CTDP1: variants seen among roughly 807,000 people sequenced by gnomAD.
CTDP1 encodes the protein RNA polymerase II subunit A C-terminal domain phosphatase.
A neutral mutation model predicts 91.8 loss-of-function variants in CTDP1; 47 were observed. That is an observed-to-expected ratio of 0.51 (90% CI 0.41 to 0.65). The LOEUF is 0.65. Ranked by LOEUF, CTDP1 falls within the 30% of genes least tolerant of loss-of-function variation. CTDP1 has a pLI of 0.00. For missense variants in CTDP1, 1,272 were observed against 1,373.7 expected, an observed-to-expected ratio of 0.93 and a Z score of 1.17; for synonymous variants, 656 against 598.5, an observed-to-expected ratio of 1.10 and a Z score of -1.40.
At chr18:79,731,340 G>A (rs2086562800) in intron 11 of CTDP1, among the ~76,000 whole-genome samples, 1 of 152,276 alleles carries the variant, frequency 6.6e-6, no homozygotes, top group East Asian at 1.9e-4. Context: ...GGGTCTCCAC[G>A]TCGACAGAGG....
Position 79,703,888 on chromosome 18 carries a change from A to G in CTDP1, c.622-879A>G, listed in dbSNP as rs192550400. Among the ~76,000 whole-genome samples the G allele has an allele frequency of 5.9e-5, 9 of 151,408 alleles. No homozygotes were observed. The East Asian group carries it at 1.4e-3, about 23-fold the overall frequency. ...TGGTTATTGGGGATGGTTATCGTGT[A>G]GTTATCACAGGCTGTTACTCTTGGC... is the stretch of plus-strand genomic sequence containing the variant. On this transcript the variant is annotated intron_variant, in intron 4 of 12. Coordinates refer to ENST00000613122, the MANE Select transcript of CTDP1 (RefSeq NM_004715.5).
chr18:79,742,057 A>C (rs554449368), intron 12 of CTDP1, among the ~76,000 whole-genome samples: 1 of 152,058 alleles, frequency 6.6e-6, no homozygotes, highest in African/African-American at 2.4e-5. Flanking sequence ...GGGGGCCCAG[A>C]GGAAGCATGA....
intron 12 of CTDP1, 33 bp from the exon 13 acceptor site, chr18:79,753,619 C>T: frequency 6.2e-7 from 1 of 1,614,010 alleles, no homozygotes; most frequent in Non-Finnish European, 8.5e-7. Flanking sequence ...GCGTTTGCCA[C>T]AAGCATCTCA....
chr18:79,749,389 C>T (rs189657059), intron 12 of CTDP1, among the ~76,000 whole-genome samples: 4 of 152,058 alleles, frequency 2.6e-5, no homozygotes, highest in African/African-American at 9.6e-5. Context: ...GTGAGGGAGT[C>T]AACCACACCT....
Position 79,713,817 on chromosome 18 carries a change from A to C in CTDP1, c.1031-674A>C, listed in dbSNP as rs1477853230. Among the ~76,000 whole-genome samples, 2 of 150,032 alleles carry C rather than the reference A, an allele frequency of 1.3e-5. No individual in the cohort carries two copies. The highest frequency in any genetic ancestry group is 4.9e-5 in the African/African-American group (2 of 40,526). On this transcript the variant is annotated intron_variant, in intron 7 of 12. Coordinates refer to ENST00000613122, the MANE Select transcript of CTDP1 (RefSeq NM_004715.5). This position sits in a 1 kb window ranked among gnomAD's most constrained non-coding sequence, Gnocchi z 4.7. ...CTTCCTCCAGACCGTGGCTTGGGAAACCGTGGCCATGGTGGTGCCAGGTCA... is the reference window on the plus strand; with the variant it reads ...CTTCCTCCAGACCGTGGCTTGGGAACCCGTGGCCATGGTGGTGCCAGGTCA...
intron 1 of CTDP1, among the ~76,000 whole-genome samples, chr18:79,692,626 T>A (rs1416116861): frequency 1.3e-5 from 2 of 152,120 alleles, no homozygotes; most frequent in African/African-American, 4.8e-5. Context: ...TTGCAGGGGG[T>A]AGAGCAAGGA....
downstream of CTDP1, chr18:79,755,226 C>G (rs2087077807): frequency 6.6e-6 from 1 of 152,204 alleles, no homozygotes; most frequent in South Asian, 2.1e-4. Context: ...CCCCGGGTGA[C>G]TGTTTCCTGT....
chr18:79,679,428 G>A (rs1453477341), upstream of CTDP1: 9 of 456,116 alleles, frequency 2.0e-5, no homozygotes, highest in Admixed American at 7.0e-5. Flanking sequence ...GCGGCTCGCG[G>A]TGCATGCCGG....
In CTDP1 at chr18:79,729,075, C is replaced by T; in HGVS notation, c.2580+6C>T. On this transcript the variant is annotated splice_donor_region_variant and intron_variant, in intron 11 of 12. Transcript: ENST00000613122. Reference sequence around the variant, plus strand: ...TAGAGAGTATGGACAAAGAGGTGAGCCAACCCCACGCCCCGGTGCCCGCGC... The same window carrying T: ...TAGAGAGTATGGACAAAGAGGTGAGTCAACCCCACGCCCCGGTGCCCGCGC... 1.4e-5 allele frequency: 22 copies of T among 1,612,684 alleles called. No individual in the cohort carries two copies. The highest frequency in any genetic ancestry group is 1.8e-5 in the Non-Finnish European group (21 of 1,180,016).
At chr18:79,743,301 G>A (rs981293927) in intron 12 of CTDP1, among the ~76,000 whole-genome samples, 42 of 151,982 alleles carry the variant, frequency 2.8e-4, no homozygotes, top group African/African-American at 9.9e-4. Flanking sequence ...TGAGGCGGGC[G>A]GATTGCCTGA....
upstream of CTDP1, chr18:79,679,243 G>A (rs1382974740): frequency 1.1e-5 from 4 of 366,428 alleles, no homozygotes; most frequent in African/African-American, 2.1e-5. Context: ...GAGGTCGGAG[G>A]AAGAGAAGAC....
intron 12 of CTDP1, among the ~76,000 whole-genome samples, chr18:79,743,821 A>T (rs946139258): frequency 2.0e-5 from 3 of 152,256 alleles, no homozygotes; most frequent in Admixed American, 2.0e-4. Context: ...ACATCGTGAA[A>T]CAGATCATAC....
At chr18:79,739,859 C>G (rs553517066) in intron 12 of CTDP1, among the ~76,000 whole-genome samples, 531 of 38,698 alleles carry the variant, frequency 0.014, 19 homozygotes, top group African/African-American at 0.047. Flanking sequence ...CTCTCATACC[C>G]ACGGCCGGGA....
At chr18:79,727,108 G>A (rs925457947) in intron 10 of CTDP1, among the ~76,000 whole-genome samples, 8 of 152,276 alleles carry the variant, frequency 5.3e-5, no homozygotes, top group East Asian at 3.9e-4. Flanking sequence ...CATTGCTGCC[G>A]GTGGGGTTGG....
intron 3 of CTDP1, 49 bp downstream of exon 3, chr18:79,696,119 G>C: frequency 6.5e-7 from 1 of 1,545,216 alleles, no homozygotes; most frequent in Non-Finnish European, 8.8e-7. Flanking sequence ...GGTGCTCTGA[G>C]GAGGGCGGCT....
intron 4 of CTDP1, among the ~76,000 whole-genome samples, chr18:79,700,629 G>A (rs2085838679): frequency 6.6e-6 from 1 of 152,242 alleles, no homozygotes; most frequent in Admixed American, 6.5e-5. Context: ...ACACAAAAGT[G>A]AAGGTGAAGC....
chr18:79,710,531 C>CTT (rs927784655), intron 6 of CTDP1, 95 bp downstream of exon 6: 12 of 1,014,662 alleles, frequency 1.2e-5, no homozygotes, highest in Admixed American at 1.8e-5. Context: ...TTCTTTTTTT[C>CTT]TTTTTTTTTG....
At chr18:79,701,798 A>T (rs1366078880) in intron 4 of CTDP1, among the ~76,000 whole-genome samples, 1 of 152,164 alleles carries the variant, frequency 6.6e-6, no homozygotes, top group Non-Finnish European at 1.5e-5. Context: ...TCTGACCTTC[A>T]TGGATGACTT....
chr18:79,729,134 T>C, intron 11 of CTDP1, 65 bp downstream of exon 11: 1 of 1,602,208 alleles, frequency 6.2e-7, no homozygotes, highest in South Asian at 1.1e-5. Flanking sequence ...AGCTCTGGTG[T>C]GCGGGCGGAT....
Sources: gnomAD v4.1 joint callset for allele counts (sites outside exome capture counted in the v4.1 genomes callset) on GRCh38, gnomAD v4.1.1 for gene constraint, Gnocchi (gnomAD v3.1) non-coding constraint, MANE v1.5 for transcripts, NCBI Gene and HGNC (gene_info 2026-07-23, HGNC 2026-07-21) for gene names.